The following SPRY3 variants were observed in gnomAD, a reference collection of about 807,000 sequenced individuals.
The protein encoded by SPRY3 is protein sprouty homolog 3.
SPRY3 carries 15 observed loss-of-function variants against 20.2 expected under a neutral mutation model. The ratio of observed to expected loss-of-function variants is 0.74; its 90% confidence interval spans 0.50 to 1.14. SPRY3 has a LOEUF of 1.14. Ranked by LOEUF, SPRY3 falls within the 50% of genes most tolerant of loss-of-function variation. SPRY3 has a pLI of 0.00. For missense variants in SPRY3, 364 were observed against 363.9 expected (o/e 1.00, Z 0.00); for synonymous variants, 143 against 136.5 (o/e 1.05, Z -0.33).
intron 2 of SPRY3, among the ~76,000 whole-genome samples, chrX:155,718,194 GC>G (rs35221103): frequency 0.25 from 37,936 of 151,922 alleles, 4,945 homozygotes; most frequent in African/African-American, 0.4. Context: ...TTTGCTGAAG[GC>G]TTCACTCTGC....
At chrX:155,761,373 A>G (rs1375011773) in intron 2 of SPRY3, among the ~76,000 whole-genome samples, 3 of 152,162 alleles carry the variant, frequency 2.0e-5, no homozygotes, top group African/African-American at 7.2e-5. Flanking sequence ...GATTCAAAAA[A>G]AACAGAATTT....
chrX:155,645,591 G>C (rs2067955290), intron 1 of SPRY3, among the ~76,000 whole-genome samples: 1 of 112,020 alleles, frequency 8.9e-6, no homozygotes, highest in Non-Finnish European at 1.9e-5. Flanking sequence ...GCTTTCTGCT[G>C]TGACAGGGCA....
At chrX:155,649,225 T>C (rs1557352141) in intron 1 of SPRY3, among the ~76,000 whole-genome samples, 1 of 111,849 alleles carries the variant, frequency 8.9e-6, no homozygotes. Context: ...TTTGAAACTA[T>C]TCCAAACAAT....
chrX:155,745,131 A>G (rs1044813175), intron 2 of SPRY3, among the ~76,000 whole-genome samples: 1 of 152,028 alleles, frequency 6.6e-6, no homozygotes, highest in Non-Finnish European at 1.5e-5. Context: ...AGAGAAAACT[A>G]TCTTTCCCCA....
chrX:155,717,564 A>C (rs1330570514), intron 2 of SPRY3, among the ~76,000 whole-genome samples: 4 of 146,954 alleles, frequency 2.7e-5, no homozygotes, highest in Admixed American at 6.8e-5. Context: ...CTTGCCCCCC[A>C]CCCCCTGACA....
At chrX:155,767,720 A>AAGAGGAGTAGGAGGAGAG (rs2091345614) in intron 2 of SPRY3, 1 of 64,458 alleles carries the variant, frequency 1.6e-5, no homozygotes, top group Non-Finnish European at 3.0e-5. Context: ...GAGGAGGAGA[A>AAGAGGAGTAGGAGGAGAG]AGAGGAGGAG....
At chrX:155,668,870 A>G (rs2068032256) in intron 2 of SPRY3, among the ~76,000 whole-genome samples, 2 of 110,658 alleles carry the variant, frequency 1.8e-5, no homozygotes, top group South Asian at 7.6e-4. Context: ...TCCCTGTTCC[A>G]TGATTTAGAA....
intron 2 of SPRY3, among the ~76,000 whole-genome samples, chrX:155,680,037 C>T (rs1185057217): frequency 1.8e-5 from 2 of 109,649 alleles, no homozygotes; most frequent in Non-Finnish European, 3.8e-5. Flanking sequence ...AAAGTGAAAC[C>T]ACAATGGGAG....
At chrX:155,770,997 T>C (rs2091377196) in intron 3 of SPRY3, among the ~76,000 whole-genome samples, 1 of 152,100 alleles carries the variant, frequency 6.6e-6, no homozygotes, top group Non-Finnish European at 1.5e-5. Flanking sequence ...GTCTCCCACA[T>C]TAGATCCCAG....
At chrX:155,698,834 C>T (rs1044497697) in intron 2 of SPRY3, among the ~76,000 whole-genome samples, 11 of 111,953 alleles carry the variant, frequency 9.8e-5, no homozygotes, top group African/African-American at 3.6e-4. Flanking sequence ...TGGCTATCAA[C>T]GTGTAGTTGG....
chrX:155,641,899 A>C, intron 1 of SPRY3, among the ~76,000 whole-genome samples: 1 of 114,765 alleles, frequency 8.7e-6, no homozygotes, highest in East Asian at 2.7e-4. Context: ...TTACAGCAAA[A>C]GTTTCGCTGT....
intron 1 of SPRY3, among the ~76,000 whole-genome samples, chrX:155,625,273 A>G (rs1557349841): frequency 9.0e-6 from 1 of 111,527 alleles, no homozygotes; most frequent in Non-Finnish European, 1.9e-5. Context: ...CCATATACCT[A>G]TCATTCAGCT....
chrX:155,768,400 T>C (rs1242268522), intron 3 of SPRY3, among the ~76,000 whole-genome samples: 1 of 152,200 alleles, frequency 6.6e-6, no homozygotes, highest in Non-Finnish European at 1.5e-5. Context: ...TAGGCGAATG[T>C]CAATTTAATT....
chrX:155,673,690 C>G (rs945262611), intron 2 of SPRY3, among the ~76,000 whole-genome samples: 4 of 112,054 alleles, frequency 3.6e-5, no homozygotes, highest in African/African-American at 1.3e-4. Context: ...TCTATTTAGT[C>G]TTTTGCTAGT....
At chrX:155,725,813 T>A (rs929621844) in intron 2 of SPRY3, among the ~76,000 whole-genome samples, 1 of 152,198 alleles carries the variant, frequency 6.6e-6, no homozygotes, top group Non-Finnish European at 1.5e-5. Context: ...TGTTTCTCTA[T>A]CTCCTTCAGT....
chrX:155,740,016 T>C (rs1174773346), intron 2 of SPRY3, among the ~76,000 whole-genome samples: 1 of 152,154 alleles, frequency 6.6e-6, no homozygotes, highest in African/African-American at 2.4e-5. Flanking sequence ...AATAATGTGT[T>C]GTGGGAAGTC....
intron 2 of SPRY3, among the ~76,000 whole-genome samples, chrX:155,724,991 C>A (rs1309541412): frequency 2.6e-5 from 4 of 152,112 alleles, no homozygotes; most frequent in African/African-American, 7.2e-5. Context: ...GAGATACATT[C>A]CATCAATACC....
intron 2 of SPRY3, among the ~76,000 whole-genome samples, chrX:155,679,147 G>A (rs1205212206): frequency 1.8e-5 from 2 of 111,296 alleles, no homozygotes; most frequent in East Asian, 5.6e-4. Flanking sequence ...GTATGCCTAT[G>A]TATCAAACCT....
intron 2 of SPRY3, among the ~76,000 whole-genome samples, chrX:155,740,719 T>C (rs1251838448): frequency 1.3e-5 from 2 of 152,130 alleles, no homozygotes; most frequent in Non-Finnish European, 2.9e-5. Context: ...TAGACCCTTA[T>C]CAGTAGTTAT....
Sources: gnomAD v4.1 joint callset for allele counts (sites outside exome capture counted in the v4.1 genomes callset) on GRCh38, gnomAD v4.1.1 for gene constraint, MANE v1.5 for transcripts, NCBI Gene and HGNC (gene_info 2026-07-23, HGNC 2026-07-21) for gene names.